CREB1: variants seen among roughly 807,000 people sequenced by gnomAD.
CREB1 encodes the protein cAMP responsive element binding protein 1.
Under a neutral mutation model 42.0 loss-of-function variants are expected in CREB1, and 2 were observed. The ratio of observed to expected loss-of-function variants is 0.05; its 90% CI spans 0.02 to 0.15. CREB1 has a LOEUF of 0.15. Ranked by LOEUF, CREB1 falls within the 10% of genes least tolerant of loss-of-function variation. The pLI is 1.00. For synonymous variants in CREB1, 123 were observed against 139.9 expected (o/e 0.88, Z 0.85); for missense variants, 199 against 388.9 (o/e 0.51, Z 4.11).
chr2:207,537,273 C>G (rs780365690), intron 1 of CREB1, among the ~76,000 whole-genome samples: 8 of 151,958 alleles, frequency 5.3e-5, no homozygotes, highest in Non-Finnish European at 7.4e-5. Flanking sequence ...TCCTTGACCT[C>G]GTGATCCACC....
At chr2:207,573,987 A>G (rs562395722) in intron 5 of CREB1, among the ~76,000 whole-genome samples, 6 of 152,286 alleles carry the variant, frequency 3.9e-5, no homozygotes, top group South Asian at 2.1e-4. Context: ...GTTCTTACTC[A>G]TTTTTCTCCC....
chr2:207,575,737 A>G (rs761633018), intron 6 of CREB1, among the ~76,000 whole-genome samples: 6 of 152,208 alleles, frequency 3.9e-5, no homozygotes, highest in Non-Finnish European at 8.8e-5. Context: ...CCAGGAAATC[A>G]GGAGTTAGAA....
At chr2:207,551,507 T>C (rs2081501942) in intron 1 of CREB1, among the ~76,000 whole-genome samples, 1 of 152,140 alleles carries the variant, frequency 6.6e-6, no homozygotes, top group Admixed American at 6.5e-5. Flanking sequence ...TGACTTGTAG[T>C]TTTTTTAAAA....
At chr2:207,554,986 T>G (rs1415413245) in intron 1 of CREB1, among the ~76,000 whole-genome samples, 1 of 152,152 alleles carries the variant, frequency 6.6e-6, no homozygotes, top group Non-Finnish European at 1.5e-5. Flanking sequence ...GGAGGATCAC[T>G]TGAGCCCAGG....
At chr2:207,536,760 C>T (rs1413205800) in intron 1 of CREB1, among the ~76,000 whole-genome samples, 3 of 150,870 alleles carry the variant, frequency 2.0e-5, no homozygotes, top group African/African-American at 7.3e-5. Flanking sequence ...GAGGTCGAGG[C>T]GGGCGGATCA....
intron 5 of CREB1, 69 bp downstream of exon 5, chr2:207,570,390 A>C: frequency 6.9e-7 from 1 of 1,439,704 alleles, no homozygotes; most frequent in Admixed American, 2.2e-5. Flanking sequence ...TAATAGTTGC[A>C]TTCTCTTCAG....
intron 1 of CREB1, among the ~76,000 whole-genome samples, chr2:207,542,652 A>AT (rs1280082152): frequency 6.6e-6 from 1 of 152,012 alleles, no homozygotes; most frequent in Non-Finnish European, 1.5e-5. Flanking sequence ...AAAGTTTTTA[A>AT]TTTTTATGAT....
rs547951121 is a variant in CREB1, at chr2:207,576,082, C to T, written c.688+628C>T. ...CCTCAAGCAATCCTCCTTTCTCAGG[C>T]TCCCAAAGTGTTGGGATGCCTCTGC... On this transcript the variant is annotated intron_variant, in intron 6 of 7. Transcript: ENST00000353267. Among the ~76,000 whole-genome samples the T allele has an allele frequency of 4.0e-5, 6 of 151,722 alleles. No homozygotes were observed. The East Asian group carries it at 1.2e-3, about 29-fold the overall frequency.
At chr2:207,550,509 G>C (rs1452916531) in intron 1 of CREB1, 3 of 151,834 alleles carry the variant, frequency 2.0e-5, no homozygotes, top group African/African-American at 7.3e-5. Context: ...GGGGAAGATG[G>C]GTTTATTTTT....
At chr2:207,552,254 A>G (rs1235936971) in intron 1 of CREB1, among the ~76,000 whole-genome samples, 1 of 152,108 alleles carries the variant, frequency 6.6e-6, no homozygotes, top group Non-Finnish European at 1.5e-5. Context: ...ACTTGGATTC[A>G]CTAATGGCTT....
chr2:207,561,914 C>T, intron 3 of CREB1, among the ~76,000 whole-genome samples: 1 of 152,092 alleles, frequency 6.6e-6, no homozygotes, highest in Non-Finnish European at 1.5e-5. Context: ...TTTTGGTTCA[C>T]TTTGACACTT....
At chr2:207,552,042 C>CAAAAAAA (rs71036931) in intron 1 of CREB1, among the ~76,000 whole-genome samples, 8 of 69,908 alleles carry the variant, frequency 1.1e-4, no homozygotes, top group South Asian at 1.5e-3. Context: ...AACTCCGTCT[C>CAAAAAAA]AAAAAAAAAA....
In CREB1 at chr2:207,555,740, A is replaced by G. The variant is rs2081691846; in HGVS notation, c.105A>G (p.Thr35=). The G allele has an allele frequency of 6.2e-7, 1 of 1,609,260 alleles. No homozygotes were observed. The highest frequency in any genetic ancestry group is 8.5e-7 in the Non-Finnish European group (1 of 1,175,878). ...MTVQAQPQIA[T]LAQVSMPAAH... Reference sequence around the variant, plus strand: ...TTCAAGCCCAGCCACAGATTGCCACATTAGCCCAGGTATAAAATACATGGA... The same window carrying G: ...TTCAAGCCCAGCCACAGATTGCCACGTTAGCCCAGGTATAAAATACATGGA... Residue 35 remains threonine (T), a synonymous_variant, in exon 2 of 8, where the codon ACA becomes ACG. Transcript: ENST00000353267.
intron 5 of CREB1, chr2:207,571,792 T>G: frequency 2.2e-6 from 1 of 449,658 alleles, no homozygotes; most frequent in Non-Finnish European, 4.5e-6. Flanking sequence ...ACAGAGATTC[T>G]CACTTGAACT....
chr2:207,546,024 C>T lies in CREB1; in HGVS notation c.-8-9604C>T, dbSNP rs374449613. Among the ~76,000 whole-genome samples the T allele has an allele frequency of 1.5e-4, 23 of 152,282 alleles. No homozygotes were observed. In the South Asian group the frequency reaches 3.1e-3, roughly 21 times the overall value. On this transcript the variant is annotated intron_variant, in intron 1 of 7. Transcript: ENST00000353267. ...TCTTGGGATTACAGGCATGAGCCAC[C>T]GCACCTGGCCAAACATATTTTTCTT...
intron 3 of CREB1, 36 bp downstream of exon 3, chr2:207,560,408 A>G (rs745996954): frequency 1.3e-6 from 2 of 1,592,994 alleles, no homozygotes; most frequent in Middle Eastern, 1.7e-4. Flanking sequence ...TATTTTAATA[A>G]CTTTTGTTTA....
intron 7 of CREB1, among the ~76,000 whole-genome samples, chr2:207,583,186 A>G (rs2083248946): frequency 1.3e-5 from 2 of 152,188 alleles, no homozygotes; most frequent in Admixed American, 1.3e-4. Context: ...ATGCAAATAT[A>G]ATGCCATTTT....
At chr2:207,567,744 G>T in intron 4 of CREB1, 181 bp downstream of exon 4, 2 of 414,056 alleles carry the variant, frequency 4.8e-6, no homozygotes, top group Non-Finnish European at 4.4e-6. Flanking sequence ...AAGAGCACTT[G>T]TTACTCTCAC....
chr2:207,564,760 A>G (rs1316888771), intron 3 of CREB1, among the ~76,000 whole-genome samples: 3 of 152,150 alleles, frequency 2.0e-5, no homozygotes, highest in African/African-American at 4.8e-5. Context: ...AGAAATACAG[A>G]CCTAAAACTT....
Sources: gnomAD v4.1 joint callset for allele counts (sites outside exome capture counted in the v4.1 genomes callset) on GRCh38, gnomAD v4.1.1 for gene constraint, MANE v1.5 for transcripts, NCBI Gene and HGNC (gene_info 2026-07-23, HGNC 2026-07-21) for gene names.